MED13L: variants seen among roughly 807,000 people sequenced by gnomAD.
MED13L encodes mediator complex subunit 13L.
Under a neutral mutation model 220.9 loss-of-function variants are expected in MED13L, and 7 were observed. That is an observed-to-expected ratio of 0.03 (90% CI 0.02 to 0.06). The LOEUF (loss-of-function observed/expected upper bound fraction) is 0.06, where lower values mean the gene tolerates loss of function less well. Among genes scored for constraint, MED13L ranks in the 10% least tolerant of loss-of-function variants. The pLI, the probability that MED13L is intolerant of heterozygous loss-of-function variation, is 1.00. For missense variants in MED13L, 1,965 were observed against 2,760.5 expected (o/e 0.71, Z 6.46); for synonymous variants, 1,011 against 1,015.2 (o/e 1.00, Z 0.08).
chr12:116,033,078 G>A lies in MED13L; in HGVS notation c.480-10477C>T, dbSNP rs532809398. 1.3e-4 allele frequency among the ~76,000 whole-genome samples: 19 copies of A among 148,100 alleles called. No individual in the cohort carries two copies. The South Asian group carries it at 1.7e-3, about 14-fold the overall frequency. ...GACTGTGGTGTATGAGTTTGATTGGGTTTTGTTTTTTTAAAAAAAAACACA... is the reference window on the plus strand; with the variant it reads ...GACTGTGGTGTATGAGTTTGATTGGATTTTGTTTTTTTAAAAAAAAACACA... On this transcript the variant is annotated intron_variant, in intron 4 of 30. Coordinates refer to ENST00000281928, the MANE Select transcript of MED13L (RefSeq NM_015335.5).
chr12:116,276,574 G>A (rs1272093770), intron 1 of MED13L: 4 of 1,232,648 alleles, frequency 3.2e-6, no homozygotes, highest in Non-Finnish European at 3.1e-6. Context: ...ACTATTTTAG[G>A]GCGAAATTGC....
In MED13L at chr12:116,008,796, T is replaced by G. The variant is rs200603975; in HGVS notation, c.1617A>C (p.Gln539His). 46 of 1,613,980 alleles carry G rather than the reference T, an allele frequency of 2.9e-5. No homozygotes were observed. The highest frequency in any genetic ancestry group is 1.9e-5 in the Non-Finnish European group (23 of 1,179,992). Residue 539 changes from glutamine to histidine, a missense_variant, in exon 10 of 31, where the codon CAA becomes CAC. Gln to His is a conservative substitution (Grantham distance 24, BLOSUM62 0). Coordinates refer to ENST00000281928, the MANE Select transcript of MED13L (RefSeq NM_015335.5). Reference protein sequence around the residue: ...MAVPSRNTSKQMNLNPMDSPH... With the variant: ...MAVPSRNTSKHMNLNPMDSPH... ...GTGAATCCATAGGATTCAGATTCAT[T>G]TGCTTGCTTGTATTTCTGGAAGGCA...
rs751239610 is a variant in MED13L at position 115,991,842 on chromosome 12, G to A, written c.3112C>T (p.Leu1038=). The A allele has an allele frequency of 3.1e-6, 5 of 1,610,820 alleles. No homozygotes were observed. The East Asian group carries it at 1.1e-4, about 36-fold the overall frequency. ...AAGCGAGGGGTTGCTGGAGATGGTA[G>A]GACTCCTGCCCCACTATTGCTGGCT... The part of the protein sequence containing the change: ...APASNSGAGV[L]PSPATPRFSV... The change falls in exon 17 of 31, where the codon CTA becomes TTA. Residue 1038 remains leucine (L), a synonymous_variant. Coordinates refer to ENST00000281928, the MANE Select transcript of MED13L (RefSeq NM_015335.5). The surrounding 1 kb of genome is among the most constrained non-coding windows in gnomAD (Gnocchi z 7.7).
At chr12:116,177,857 A>G (rs1210630121) in intron 2 of MED13L, among the ~76,000 whole-genome samples, 1 of 152,118 alleles carries the variant, frequency 6.6e-6, no homozygotes, top group African/African-American at 2.4e-5. Flanking sequence ...TTCCCAAGAA[A>G]CAATTTTTTT....
chr12:116,276,601 T>A, intron 1 of MED13L: 1 of 1,202,946 alleles, frequency 8.3e-7, no homozygotes, highest in Non-Finnish European at 1.1e-6. Flanking sequence ...CATTATGGAA[T>A]TTAAAAAAAT....
chr12:116,021,787 T>G (rs1487612482), intron 5 of MED13L, among the ~76,000 whole-genome samples: 1 of 152,206 alleles, frequency 6.6e-6, no homozygotes, highest in Non-Finnish European at 1.5e-5. Flanking sequence ...TTAAAAGCTG[T>G]TACTCACAGA....
intron 2 of MED13L, among the ~76,000 whole-genome samples, chr12:116,148,074 A>AAAAAAAAAAAAAAAGG (rs1377801971): frequency 3.1e-5 from 3 of 98,308 alleles, no homozygotes; most frequent in African/African-American, 7.8e-5. Flanking sequence ...AAAAAAAAAA[A>AAAAAAAAAAAAAAAGG]GAGGGGGGCG....
At chr12:116,164,576 A>T (rs1241236483) in intron 2 of MED13L, among the ~76,000 whole-genome samples, 1 of 152,214 alleles carries the variant, frequency 6.6e-6, no homozygotes, top group African/African-American at 2.4e-5. Flanking sequence ...CTTCAGGCTT[A>T]TCTCCCACAC....
At chr12:116,248,619 C>G (rs1355386638) in intron 1 of MED13L, among the ~76,000 whole-genome samples, 1 of 152,214 alleles carries the variant, frequency 6.6e-6, no homozygotes, top group Admixed American at 6.5e-5. Context: ...GGGGGCTAAC[C>G]ACCTGTTTTT....
intron 2 of MED13L, among the ~76,000 whole-genome samples, chr12:116,160,523 A>C (rs1197579149): frequency 6.6e-6 from 1 of 151,754 alleles, no homozygotes; most frequent in Non-Finnish European, 1.5e-5. Flanking sequence ...CAAGACACTC[A>C]GCTCCTTTGG....
intron 2 of MED13L, among the ~76,000 whole-genome samples, chr12:116,177,679 C>T (rs1399735366): frequency 2.0e-5 from 3 of 152,086 alleles, no homozygotes; most frequent in Non-Finnish European, 1.5e-5. Context: ...TAATGATTAT[C>T]TACCTGAATA....
At chr12:116,115,946 T>C (rs944515146) in intron 2 of MED13L, among the ~76,000 whole-genome samples, 18 of 152,236 alleles carry the variant, frequency 1.2e-4, no homozygotes, top group African/African-American at 3.9e-4. Context: ...TTTGGAAAAG[T>C]TGCCTTTGGC....
chr12:116,091,584 C>T (rs1037731289), intron 4 of MED13L, among the ~76,000 whole-genome samples: 13 of 152,310 alleles, frequency 8.5e-5, no homozygotes, highest in Non-Finnish European at 1.8e-4. Context: ...TGTCTGCTCC[C>T]TTCCTGGAAT....
chr12:116,208,357 T>A (rs951662490), intron 2 of MED13L, among the ~76,000 whole-genome samples: 3 of 152,148 alleles, frequency 2.0e-5, no homozygotes, highest in Non-Finnish European at 2.9e-5. Context: ...GATCGTGCCA[T>A]TGCACTCCAG....
At chr12:116,249,950 A>G (rs924457660) in intron 1 of MED13L, among the ~76,000 whole-genome samples, 2 of 149,642 alleles carry the variant, frequency 1.3e-5, no homozygotes, top group Admixed American at 6.7e-5. Context: ...AATAAGGACC[A>G]CACTGTCTCC....
chr12:116,238,750 T>C (rs1870333517), intron 1 of MED13L, among the ~76,000 whole-genome samples: 1 of 152,206 alleles, frequency 6.6e-6, no homozygotes, highest in African/African-American at 2.4e-5. Flanking sequence ...ATCACTATAA[T>C]GACCACATTT....
intron 4 of MED13L, among the ~76,000 whole-genome samples, chr12:116,074,043 C>G (rs575549645): frequency 6.6e-6 from 1 of 152,294 alleles, no homozygotes. Context: ...ATGTATTTCT[C>G]TATTGCAGTT....
intron 6 of MED13L, among the ~76,000 whole-genome samples, 171 bp downstream of exon 6, chr12:116,019,607 G>GT (rs1266566048): frequency 6.6e-6 from 1 of 152,142 alleles, no homozygotes; most frequent in Non-Finnish European, 1.5e-5. Context: ...GGAATACAAG[G>GT]ACCAAGGGTG....
At chr12:116,220,723 G>GT (rs1282148667) in intron 2 of MED13L, among the ~76,000 whole-genome samples, 2 of 152,064 alleles carry the variant, frequency 1.3e-5, no homozygotes, top group African/African-American at 4.8e-5. Flanking sequence ...ATAAACAAAA[G>GT]TTTTTTGCTT....
Sources: allele counts gnomAD v4.1 joint callset (sites outside exome capture counted in the v4.1 genomes callset), GRCh38; gene constraint gnomAD v4.1.1; non-coding constraint Gnocchi (gnomAD v3.1); transcripts MANE v1.5; gene names NCBI Gene and HGNC (gene_info 2026-07-23, HGNC 2026-07-21).